The following HPSE2 variants were observed in gnomAD, a reference collection of about 807,000 sequenced individuals.
HPSE2 encodes the protein heparanase 2 (inactive).
Under a neutral mutation model 60.5 loss-of-function variants are expected in HPSE2, and 38 were observed. The ratio of observed to expected loss-of-function variants is 0.63; its 90% CI spans 0.48 to 0.82. The LOEUF (loss-of-function observed/expected upper bound fraction) is 0.82. HPSE2 is among the 40% of genes least tolerant of loss of function. The pLI, the probability that HPSE2 is intolerant of heterozygous loss-of-function variation, is 0.00. For missense variants in HPSE2, 713 were observed against 740.4 expected, an observed-to-expected ratio of 0.96 and a Z score of 0.43; for synonymous variants, 295 against 293.2, an observed-to-expected ratio of 1.01 and a Z score of -0.06.
chr10:98,907,538 T>C (rs890725970), intron 3 of HPSE2, among the ~76,000 whole-genome samples: 6 of 152,160 alleles, frequency 3.9e-5, no homozygotes, highest in Admixed American at 3.3e-4. Flanking sequence ...GTCACTGTAA[T>C]TCTTCTGACA....
intron 3 of HPSE2, among the ~76,000 whole-genome samples, chr10:98,820,661 AAAAT>A (rs1207432458): frequency 2.6e-5 from 4 of 152,172 alleles, no homozygotes; most frequent in Non-Finnish European, 2.9e-5. Flanking sequence ...TTGTGCATGA[AAAAT>A]AAATAAATGT....
At chr10:99,172,880 AAAGAAG>A (rs145841727) in intron 2 of HPSE2, among the ~76,000 whole-genome samples, 13 of 152,110 alleles carry the variant, frequency 8.5e-5, no homozygotes, top group African/African-American at 1.9e-4. Context: ...TGTCTCAAAA[AAAGAAG>A]AAGAAGAAAA....
At chr10:99,107,224 T>C (rs1294658490) in intron 3 of HPSE2, among the ~76,000 whole-genome samples, 1 of 152,178 alleles carries the variant, frequency 6.6e-6, no homozygotes, top group Non-Finnish European at 1.5e-5. Flanking sequence ...TTCTATATCC[T>C]TTTCTCTGAT....
At chr10:99,087,858 T>C (rs913940427) in intron 3 of HPSE2, among the ~76,000 whole-genome samples, 6 of 152,198 alleles carry the variant, frequency 3.9e-5, no homozygotes, top group African/African-American at 1.4e-4. Context: ...TCTGAAGAGT[T>C]GAAATTATGA....
intron 3 of HPSE2, among the ~76,000 whole-genome samples, chr10:99,068,573 T>G (rs1430997243): frequency 6.6e-6 from 1 of 152,192 alleles, no homozygotes; most frequent in Non-Finnish European, 1.5e-5. Context: ...TGGCCCCACA[T>G]GTGGATTATT....
the HPSE2 span, among the ~76,000 whole-genome samples, chr10:99,308,033 A>G: frequency 0.028 from 4,201 of 152,184 alleles, 191 homozygotes; most frequent in African/African-American, 0.096. Flanking sequence ...TTAAAAACAT[A>G]TGTCCATTCA....
At chr10:99,216,324 A>T (rs990430014) in intron 2 of HPSE2, among the ~76,000 whole-genome samples, 1 of 150,254 alleles carries the variant, frequency 6.7e-6, no homozygotes, top group Non-Finnish European at 1.5e-5. Context: ...CCTCCTGAGT[A>T]GCTTGGATTA....
chr10:99,297,907 C>T, the HPSE2 span, among the ~76,000 whole-genome samples: 1 of 152,180 alleles, frequency 6.6e-6, no homozygotes, highest in South Asian at 2.1e-4. Flanking sequence ...GCCGCTCCCC[C>T]AGGCGAATGT....
intron 5 of HPSE2, among the ~76,000 whole-genome samples, chr10:98,700,177 C>T (rs952850378): frequency 1.3e-5 from 2 of 151,886 alleles, no homozygotes; most frequent in Admixed American, 1.3e-4. Flanking sequence ...AAAGAGCCTG[C>T]ATCACCAAGT....
intron 3 of HPSE2, among the ~76,000 whole-genome samples, chr10:98,810,757 TA>T (rs986288783): frequency 3.0e-4 from 21 of 69,012 alleles, no homozygotes; most frequent in South Asian, 6.6e-4. Context: ...GTTGATGAAC[TA>T]AAAAAAAAAA....
intron 3 of HPSE2, among the ~76,000 whole-genome samples, chr10:98,843,455 T>C (rs1001061875): frequency 1.3e-5 from 2 of 152,210 alleles, no homozygotes; most frequent in Non-Finnish European, 2.9e-5. Flanking sequence ...AGGGAAACAA[T>C]GATATACTTA....
intron 3 of HPSE2, among the ~76,000 whole-genome samples, chr10:99,064,762 T>A (rs901553847): frequency 6.6e-6 from 1 of 151,826 alleles, no homozygotes; most frequent in East Asian, 1.9e-4. Context: ...ATACACAGTA[T>A]GAAGTGTTAC....
At chr10:98,716,372 C>A (rs1416458289) in intron 5 of HPSE2, among the ~76,000 whole-genome samples, 5 of 151,760 alleles carry the variant, frequency 3.3e-5, no homozygotes, top group Non-Finnish European at 7.4e-5. Flanking sequence ...ACCAGCATGG[C>A]ACATGTATAC....
intron 6 of HPSE2, among the ~76,000 whole-genome samples, chr10:98,675,082 C>A (rs954184273): frequency 6.6e-6 from 1 of 152,154 alleles, no homozygotes; most frequent in East Asian, 1.9e-4. Context: ...AGATGCTTTA[C>A]ATGCATCATC....
chr10:99,001,388 G>A (rs1355947713), intron 3 of HPSE2, among the ~76,000 whole-genome samples: 4 of 152,056 alleles, frequency 2.6e-5, no homozygotes, highest in African/African-American at 9.7e-5. Context: ...TGATGGACAT[G>A]TGCAAAACTC....
intron 3 of HPSE2, among the ~76,000 whole-genome samples, chr10:98,968,043 C>G (rs962451062): frequency 1.3e-5 from 2 of 152,128 alleles, no homozygotes; most frequent in Non-Finnish European, 1.5e-5. Context: ...CTTCCCCCTC[C>G]CTATACATCC....
intron 3 of HPSE2, among the ~76,000 whole-genome samples, chr10:98,916,542 G>A (rs1954124174): frequency 6.6e-6 from 1 of 152,156 alleles, no homozygotes; most frequent in Admixed American, 6.5e-5. Flanking sequence ...GTTCTGTTGT[G>A]ACAGATAGGT....
intron 4 of HPSE2, among the ~76,000 whole-genome samples, chr10:98,743,118 G>A (rs979416313): frequency 4.0e-5 from 6 of 151,592 alleles, no homozygotes; most frequent in Non-Finnish European, 7.4e-5. Flanking sequence ...GATTATAGGC[G>A]GCTGCCACCA....
intron 9 of HPSE2, among the ~76,000 whole-genome samples, chr10:98,527,387 C>G (rs549311238): frequency 6.6e-6 from 1 of 152,198 alleles, no homozygotes; most frequent in African/African-American, 2.4e-5. Context: ...GCTCAGCTCT[C>G]CAACCTCGTT....
Sources: gnomAD v4.1 joint callset for allele counts (sites outside exome capture counted in the v4.1 genomes callset) on GRCh38, gnomAD v4.1.1 for gene constraint, MANE v1.5 for transcripts, NCBI Gene and HGNC (gene_info 2026-07-23, HGNC 2026-07-21) for gene names.